ZNF382: variants seen among roughly 807,000 people sequenced by gnomAD.
The protein encoded by ZNF382 is KRAB/zinc finger suppressor protein 1.
Under a neutral mutation model 38.8 loss-of-function variants are expected in ZNF382, and 20 were observed. The observed-to-expected ratio is 0.51, with a 90% CI of 0.36 to 0.75. ZNF382 has a LOEUF of 0.75. Ranked by LOEUF, ZNF382 falls within the 30% of genes least tolerant of loss-of-function variation. The pLI, the probability that ZNF382 is intolerant of heterozygous loss-of-function variation, is 0.00. For synonymous variants in ZNF382, 202 were observed against 223.1 expected (o/e 0.91, Z 0.84); for missense variants, 546 against 654.1 (o/e 0.83, Z 1.80).
chr19:36,611,126 A>C (rs2037073996), intron 4 of ZNF382, among the ~76,000 whole-genome samples: 1 of 152,076 alleles, frequency 6.6e-6, no homozygotes, highest in South Asian at 2.1e-4. Flanking sequence ...TGTCTCTACT[A>C]AAAATACAAA....
intron 4 of ZNF382, among the ~76,000 whole-genome samples, chr19:36,611,143 A>C (rs1179061106): frequency 6.6e-6 from 1 of 152,160 alleles, no homozygotes; most frequent in African/African-American, 2.4e-5. Context: ...CAAAAAAATT[A>C]GCCAGGCATG....
rs763656165 is a variant in ZNF382, at chr19:36,610,004, G to A, written c.90G>A (p.Ala30=). 3.7e-5 allele frequency: 59 copies of A among 1,613,648 alleles called. No individual in the cohort carries two copies. The highest frequency in any genetic ancestry group is 1.6e-4 in the South Asian group (15 of 91,032). The change falls in exon 3 of 5, where the codon GCG becomes GCA. Residue 30 remains alanine, a synonymous_variant. Coordinates refer to ENST00000292928, the MANE Select transcript of ZNF382 (RefSeq NM_032825.5). ...EWQQLDPAQK[A]LYRDVMLENY... is the part of the protein sequence containing the mutation. Reference sequence around the variant, plus strand: ...AGCAACTAGACCCTGCTCAGAAGGCGCTTTACAGGGATGTGATGTTGGAAA... The same window carrying A: ...AGCAACTAGACCCTGCTCAGAAGGCACTTTACAGGGATGTGATGTTGGAAA...
chr19:36,618,825 G>T (rs976916686), intron 4 of ZNF382, among the ~76,000 whole-genome samples: 15 of 152,044 alleles, frequency 9.9e-5, no homozygotes, highest in African/African-American at 3.4e-4. Context: ...ATCACTTGAG[G>T]CCAGGAGTTC....
At chr19:36,617,619 G>T (rs2037135612) in intron 4 of ZNF382, among the ~76,000 whole-genome samples, 1 of 152,176 alleles carries the variant, frequency 6.6e-6, no homozygotes. Flanking sequence ...CTACAATGGG[G>T]TTTTGAAGTA....
chr19:36,629,270 A>G lies in ZNF382; in HGVS notation c.*1720A>G, dbSNP rs902304339. 5 of 152,216 alleles carry G rather than the reference A, an allele frequency of 3.3e-5. No individual in the cohort carries two copies. The highest frequency in any genetic ancestry group is 4.8e-5 in the African/African-American group (2 of 41,448). The allele number at this position is 152,216 out of a possible 1,614,324, so 9.4% of individuals were successfully genotyped here. Reference sequence around the variant, plus strand: ...TTAACTCTGGGGAAAGCTCTCTTTCATGAAAGAAGTCTAGCCATACCGAGA... The same window carrying G: ...TTAACTCTGGGGAAAGCTCTCTTTCGTGAAAGAAGTCTAGCCATACCGAGA... On this transcript the variant is annotated 3_prime_UTR_variant, in exon 5 of 5. Transcript: ENST00000292928.
chr19:36,627,809 T>C lies in ZNF382; in HGVS notation c.*259T>C. 2.7e-6 allele frequency: 1 copy of C among 370,200 alleles called. No homozygotes were observed. The highest frequency in any genetic ancestry group is 4.9e-6 in the Non-Finnish European group (1 of 203,610). The allele number at this position is 370,200 out of a possible 1,614,324, so 22.9% of individuals were successfully genotyped here. A position where few individuals can be genotyped will look rare whatever the true frequency, so the allele number is the denominator to read the frequency against. Reference sequence around the variant, plus strand: ...GACAAAAACTTCCTCTGTCAAGGTGTTATAAACATTTAAAATCACATTTTC... The same window carrying C: ...GACAAAAACTTCCTCTGTCAAGGTGCTATAAACATTTAAAATCACATTTTC... On this transcript the variant is annotated 3_prime_UTR_variant, in exon 5 of 5. Transcript: ENST00000292928.
chr19:36,627,245 A>G lies in ZNF382; in HGVS notation c.1348A>G (p.Thr450Ala). ...TGGGAAGTCCTTCTGCCAAAAGACA[A>G]CCCTCACTCTCCACCAGAGAATTCA... ...ECGKSFCQKT[T>A]LTLHQRIHTG... Residue 450 changes from threonine to alanine, a missense_variant, in exon 5 of 5, where the codon ACC (threonine) becomes GCC (alanine). Coordinates refer to ENST00000292928, the MANE Select transcript of ZNF382 (RefSeq NM_032825.5). 2 of 1,611,680 alleles carry G rather than the reference A, an allele frequency of 1.2e-6. No individual in the cohort carries two copies. Among genetic ancestry groups the G allele is most frequent in the Non-Finnish European group, 1.7e-6 (2 of 1,179,516 alleles).
Position 36,626,708 on chromosome 19 carries a change from A to G in ZNF382, c.811A>G (p.Asn271Asp), listed in dbSNP as rs2037216666. ...TATGGAAAAGAAGCCCTCTGCCTAC[A>G]ACAAATATGGGAAATTCCTCTGCAG... is the stretch of plus-strand genomic sequence containing the variant. Reference protein sequence around the residue: ...NLMEKKPSAYNKYGKFLCRKP... With the variant: ...NLMEKKPSAYDKYGKFLCRKP... The change falls in exon 5 of 5, where the codon AAC becomes GAC. Residue 271 changes from asparagine to aspartate, a missense_variant. By Grantham distance (23) the Asn-to-Asp change is conservative. Transcript: ENST00000292928. 6.2e-7 allele frequency: 1 copy of G among 1,614,054 alleles called. No individual in the cohort carries two copies. The highest frequency in any genetic ancestry group is 8.5e-7 in the Non-Finnish European group (1 of 1,180,028).
chr19:36,606,311 ATTTTTT>A (rs71171460), intron 1 of ZNF382, among the ~76,000 whole-genome samples: 11 of 138,692 alleles, frequency 7.9e-5, no homozygotes, highest in Non-Finnish European at 7.7e-5. Context: ...CATGCAGGAA[ATTTTTT>A]TTTTTTTTTT....
At chr19:36,621,326 T>G (rs1203780556) in intron 4 of ZNF382, among the ~76,000 whole-genome samples, 24 of 70,746 alleles carry the variant, frequency 3.4e-4, no homozygotes, top group Admixed American at 2.8e-3. Flanking sequence ...TTTCCCTAGT[T>G]TTTTTTTTTT....
chr19:36,627,094 G>A lies in ZNF382; in HGVS notation c.1197G>A (p.Gln399=), dbSNP rs757988766. The change falls in exon 5 of 5, where the codon CAG becomes CAA. Residue 399 remains glutamine (Q), a synonymous_variant. Transcript: ENST00000292928. ...FRKKSYLIDH[Q]RTHTGEKPYQ... ...AGAAGTCATACCTCATTGATCACCAGAGAACTCACACAGGAGAGAAACCGT... is the reference window on the plus strand; with the variant it reads ...AGAAGTCATACCTCATTGATCACCAAAGAACTCACACAGGAGAGAAACCGT... The A allele has an allele frequency of 6.2e-7, 1 of 1,614,120 alleles. No individual in the cohort carries two copies. The highest frequency in any genetic ancestry group is 2.2e-5 in the East Asian group (1 of 44,864).
chr19:36,626,474 C>G lies in ZNF382; in HGVS notation c.577C>G (p.Leu193Val), dbSNP rs1211814193. ...TCTCCATAAACAAACAGAAAGAGTT[C>G]TCAGTGGTAAACAGGAGCTTATTCA... Reference protein sequence around the residue: ...VNLHKQTERVLSGKQELIQHQ... With the variant: ...VNLHKQTERVVSGKQELIQHQ... Residue 193 changes from leucine to valine, a missense_variant, in exon 5 of 5, where the codon CTC becomes GTC. Coordinates refer to ENST00000292928, the MANE Select transcript of ZNF382 (RefSeq NM_032825.5). 1 of 1,603,956 alleles carries G rather than the reference C, an allele frequency of 6.2e-7. No homozygotes were observed. Among genetic ancestry groups the G allele is most frequent in the Non-Finnish European group, 8.5e-7 (1 of 1,177,138 alleles).
At chr19:36,625,774 G>A (rs191920479) in intron 4 of ZNF382, among the ~76,000 whole-genome samples, 17 of 152,216 alleles carry the variant, frequency 1.1e-4, no homozygotes, top group African/African-American at 3.9e-4. Context: ...GGCCAGGCTG[G>A]TCTCAAACTC....
In ZNF382 at chr19:36,626,133, A is replaced by C; in HGVS notation, c.236A>C (p.Glu79Ala). Residue 79 changes from glutamate (E) to alanine (A), a missense_variant, in exon 5 of 5, where the codon GAA becomes GCA. Glu to Ala is a moderately radical substitution (Grantham distance 107). Coordinates refer to ENST00000292928, the MANE Select transcript of ZNF382 (RefSeq NM_032825.5). ...TGTTAATGGTATTCTTTTCTAGAAG[A>C]AGATGGGAAAACTGAAGATGTCTTA... is the stretch of plus-strand genomic sequence containing the variant. ...RIFPSYSYLEEDGKTEDVLVK... is the reference protein window; with the variant it reads ...RIFPSYSYLEADGKTEDVLVK... 1 of 1,536,134 alleles carries C rather than the reference A, an allele frequency of 6.5e-7. No individual in the cohort carries two copies. Among genetic ancestry groups the C allele is most frequent in the Admixed American group, 2.2e-5 (1 of 44,882 alleles).
Position 36,626,960 on chromosome 19 carries a change from A to G in ZNF382, c.1063A>G (p.Ile355Val), listed in dbSNP as rs922467917. The change falls in exon 5 of 5, where the codon ATC becomes GTC. Residue 355 changes from isoleucine (I) to valine (V), a missense_variant. Ile to Val is a conservative substitution (Grantham distance 29). Transcript: ENST00000292928. ...THIEGKPFIC[I>V]DCGKSFRQKA... ...TATAGAGGGGAAACCCTTTATTTGT[A>G]TCGATTGTGGGAAGTCCTTCCGCCA... The G allele has an allele frequency of 6.2e-7, 1 of 1,614,228 alleles. No homozygotes were observed. The highest frequency in any genetic ancestry group is 8.5e-7 in the Non-Finnish European group (1 of 1,180,036).
chr19:36,623,352 A>C (rs2037184264), intron 4 of ZNF382, among the ~76,000 whole-genome samples: 1 of 152,186 alleles, frequency 6.6e-6, no homozygotes, highest in Non-Finnish European at 1.5e-5. Context: ...TTGGGAAAGC[A>C]ATACTGTATT....
At position 36,633,228 on chromosome 19, in the gene ZNF382, CG is replaced by C. The variant is rs1333194333; in HGVS notation, c.*5682del. On this transcript the variant is annotated 3_prime_UTR_variant, in exon 5 of 5. Transcript: ENST00000292928. Reference sequence around the variant, plus strand: ...TAATTTTTTGTATTTTTAGTAGAGACGGGGTTTTACTGTGTTAGCCAGGGTG... The same window carrying C: ...TAATTTTTTGTATTTTTAGTAGAGACGGGTTTTACTGTGTTAGCCAGGGTG... The C allele has an allele frequency of 1.3e-5, 2 of 152,086 alleles. No individual in the cohort carries two copies. Among genetic ancestry groups the C allele is most frequent in the Admixed American group, 1.3e-4 (2 of 15,232 alleles). The allele number at this position is 152,086 out of a possible 1,614,324, so 9.4% of individuals were successfully genotyped here.
At chr19:36,619,988 C>T (rs1282066489) in intron 4 of ZNF382, among the ~76,000 whole-genome samples, 6 of 152,150 alleles carry the variant, frequency 3.9e-5, no homozygotes, top group Non-Finnish European at 8.8e-5. Flanking sequence ...GCCCCGGCCT[C>T]CCAAAGTGCT....
rs888750432 is a variant in ZNF382 at position 36,631,105 on chromosome 19, A to G, written c.*3555A>G. 3 of 152,018 alleles carry G rather than the reference A, an allele frequency of 2.0e-5. No homozygotes were observed. The highest frequency in any genetic ancestry group is 6.6e-5 in the Admixed American group (1 of 15,238). The allele number at this position is 152,018 out of a possible 1,614,324, so 9.4% of individuals were successfully genotyped here. On this transcript the variant is annotated 3_prime_UTR_variant, in exon 5 of 5. Coordinates refer to ENST00000292928, the MANE Select transcript of ZNF382 (RefSeq NM_032825.5). The stretch of plus-strand genomic sequence containing the variant: ...CACTTTAGAGATTTTCACTTTATGA[A>G]TTGATAAATACAGCATTGCATCACT...
Sources: allele counts gnomAD v4.1 joint callset (sites outside exome capture counted in the v4.1 genomes callset), GRCh38; gene constraint gnomAD v4.1.1; transcripts MANE v1.5; gene names NCBI Gene and HGNC (gene_info 2026-07-23, HGNC 2026-07-21).